SASH1: variants seen among roughly 807,000 people sequenced by gnomAD.
The protein encoded by SASH1 is SAM and SH3 domain-containing protein 1.
A neutral mutation model predicts 125.2 loss-of-function variants in SASH1; 44 were observed. The ratio of observed to expected loss-of-function variants is 0.35; its 90% CI spans 0.28 to 0.45. The LOEUF is 0.45. Among genes scored for constraint, SASH1 ranks in the 20% least tolerant of loss-of-function variants. SASH1 has a pLI of 1.00. For missense variants in SASH1, 1,426 were observed against 1,614.5 expected (o/e 0.88, Z 2.00); for synonymous variants, 639 against 649.1 (o/e 0.98, Z 0.24).
intron 1 of SASH1, among the ~76,000 whole-genome samples, chr6:148,382,096 A>C (rs891938381): frequency 4.0e-5 from 6 of 151,804 alleles, no homozygotes; most frequent in African/African-American, 7.3e-5. Context: ...CTTGTGTGAG[A>C]TTTGGGAGCT....
intron 1 of SASH1, among the ~76,000 whole-genome samples, chr6:148,326,409 C>CTTTTT (rs532678355): frequency 0.024 from 2,146 of 90,070 alleles, 65 homozygotes; most frequent in Non-Finnish European, 0.037. Flanking sequence ...CTTTTCTTTT[C>CTTTTT]TTTTCTTTTT....
At chr6:148,423,892 A>G (rs544444553) in intron 2 of SASH1, among the ~76,000 whole-genome samples, 1 of 152,292 alleles carries the variant, frequency 6.6e-6, no homozygotes, top group South Asian at 2.1e-4. Context: ...CTCCCATTAA[A>G]AAAAACTCAT....
chr6:148,263,842 G>A, the SASH1 span, among the ~76,000 whole-genome samples: 1 of 152,184 alleles, frequency 6.6e-6, no homozygotes, highest in African/African-American at 2.4e-5. Context: ...CTGTCTGGAT[G>A]GTGGAAATGG....
chr6:148,286,864 C>T (rs1176723677), intron 1 of SASH1, among the ~76,000 whole-genome samples: 1 of 152,162 alleles, frequency 6.6e-6, no homozygotes, highest in Admixed American at 6.6e-5. Flanking sequence ...ACTTAGGGAA[C>T]TGCAACCCAG....
intron 1 of SASH1, among the ~76,000 whole-genome samples, chr6:148,306,021 C>T (rs1189601706): frequency 3.3e-5 from 5 of 151,936 alleles, no homozygotes; most frequent in Admixed American, 6.6e-5. Context: ...TCTCATGTGC[C>T]CCATAAATAT....
chr6:148,199,789 GGAGA>G, the SASH1 span, among the ~76,000 whole-genome samples: 3 of 138,750 alleles, frequency 2.2e-5, no homozygotes, highest in Non-Finnish European at 4.6e-5. Context: ...AAGGAAGGAA[GGAGA>G]GAGAGAGAGA....
chr6:148,246,787 A>G, the SASH1 span, among the ~76,000 whole-genome samples: 1 of 152,242 alleles, frequency 6.6e-6, no homozygotes, highest in African/African-American at 2.4e-5. Context: ...TCAAAAACAA[A>G]ATGATTTGTA....
At chr6:148,220,899 G>A in the SASH1 span, among the ~76,000 whole-genome samples, 1 of 152,342 alleles carries the variant, frequency 6.6e-6, no homozygotes, top group Non-Finnish European at 1.5e-5. Context: ...GGGCAACAGA[G>A]TGAGACTGTG....
intron 2 of SASH1, 93 bp downstream of exon 2, chr6:148,390,355 G>T: frequency 7.7e-7 from 1 of 1,302,106 alleles, no homozygotes; most frequent in African/African-American, 1.5e-5. Flanking sequence ...GCTCTTCCTG[G>T]GGTATCAATC....
At chr6:148,482,565 A>G (rs1202661683) in intron 7 of SASH1, among the ~76,000 whole-genome samples, 2 of 151,548 alleles carry the variant, frequency 1.3e-5, no homozygotes, top group Non-Finnish European at 2.9e-5. Flanking sequence ...TCTGTAGCCC[A>G]TGCTAGAGTG....
intron 8 of SASH1, among the ~76,000 whole-genome samples, chr6:148,505,542 C>G (rs1381123628): frequency 1.3e-5 from 2 of 152,160 alleles, no homozygotes; most frequent in African/African-American, 4.8e-5. Flanking sequence ...AACTCCTGGC[C>G]TCAAGTGATC....
At chr6:148,244,281 GT>G in the SASH1 span, among the ~76,000 whole-genome samples, 1 of 152,082 alleles carries the variant, frequency 6.6e-6, no homozygotes, top group African/African-American at 2.4e-5. Context: ...CACCTACTAG[GT>G]TTTGGTATCC....
rs1004362754 is a variant in SASH1, at chr6:148,519,026, G to A, written c.863-521G>A. On this transcript the variant is annotated intron_variant, in intron 9 of 19. Coordinates refer to ENST00000367467, the MANE Select transcript of SASH1 (RefSeq NM_015278.5). This position sits in a 1 kb window ranked among gnomAD's most constrained non-coding sequence, Gnocchi z 4.8. ...CATTTGCAAGATACAACGCTTTATA[G>A]TGTTTCTCCCCACCAAAACTTCCTT... 1.3e-5 allele frequency among the ~76,000 whole-genome samples: 2 copies of A among 152,188 alleles called. No homozygotes were observed. The highest frequency in any genetic ancestry group is 2.4e-5 in the African/African-American group (1 of 41,454).
intron 8 of SASH1, among the ~76,000 whole-genome samples, chr6:148,488,816 A>C (rs1778981342): frequency 6.6e-6 from 1 of 151,750 alleles, no homozygotes; most frequent in South Asian, 2.1e-4. Flanking sequence ...GTCTTCAGTT[A>C]TGTTGTTTTG....
intron 8 of SASH1, among the ~76,000 whole-genome samples, chr6:148,494,670 A>G (rs1338493111): frequency 1.8e-4 from 28 of 152,162 alleles, no homozygotes; most frequent in Admixed American, 1.8e-3. Context: ...GAATGTTATA[A>G]CTGTGGGCTT....
chr6:148,357,556 TG>T (rs923142345), intron 1 of SASH1, among the ~76,000 whole-genome samples: 1 of 152,038 alleles, frequency 6.6e-6, no homozygotes, highest in African/African-American at 2.4e-5. Flanking sequence ...GATGCCAGTG[TG>T]GGTCAGTGTG....
chr6:148,277,747 T>C (rs1779225436), intron 1 of SASH1, among the ~76,000 whole-genome samples: 1 of 152,188 alleles, frequency 6.6e-6, no homozygotes, highest in East Asian at 1.9e-4. Flanking sequence ...GACAGAGTCT[T>C]GCTCTGTCAC....
At chr6:148,546,425 T>A (rs562133740) in intron 19 of SASH1, among the ~76,000 whole-genome samples, 15 of 152,304 alleles carry the variant, frequency 9.8e-5, no homozygotes, top group African/African-American at 3.6e-4. Flanking sequence ...TCCTAGTTAC[T>A]TGGGAGGCAG....
intron 1 of SASH1, among the ~76,000 whole-genome samples, chr6:148,363,700 G>A (rs758763159): frequency 6.6e-6 from 1 of 151,850 alleles, no homozygotes; most frequent in African/African-American, 2.4e-5. Flanking sequence ...ACGCCCGGCC[G>A]ATTGAGGCTC....
Sources: allele counts gnomAD v4.1 joint callset (sites outside exome capture counted in the v4.1 genomes callset), GRCh38; gene constraint gnomAD v4.1.1; non-coding constraint Gnocchi (gnomAD v3.1); transcripts MANE v1.5; gene names NCBI Gene and HGNC (gene_info 2026-07-23, HGNC 2026-07-21).